The following PARPBP variants were observed in gnomAD, a reference collection of about 807,000 sequenced individuals.
PARPBP encodes PARP1 binding protein, also known as PCNA-interacting partner.
Under a neutral mutation model 50.0 loss-of-function variants are expected in PARPBP, and 52 were observed. That is an observed-to-expected ratio of 1.04 (90% confidence interval 0.83 to 1.31). The LOEUF (loss-of-function observed/expected upper bound fraction) is 1.31. Ranked by LOEUF, PARPBP falls within the 50% of genes most tolerant of loss-of-function variation. The pLI is 0.00. For missense variants in PARPBP, 697 were observed against 672.0 expected, an observed-to-expected ratio of 1.04 and a Z score of -0.41; for synonymous variants, 244 against 232.1, an observed-to-expected ratio of 1.05 and a Z score of -0.47.
chr12:102,150,312 A>G, intron 3 of PARPBP: 1 of 454,398 alleles, frequency 2.2e-6, no homozygotes, highest in Non-Finnish European at 4.4e-6. Context: ...ATATCCCTAG[A>G]TTGATTTCTC....
At chr12:102,188,250 A>G (rs1015532605) in intron 9 of PARPBP, among the ~76,000 whole-genome samples, 2 of 151,434 alleles carry the variant, frequency 1.3e-5, no homozygotes, top group African/African-American at 2.4e-5. Context: ...ACGTGCCTCA[A>G]ACACGTGGCT....
intron 9 of PARPBP, among the ~76,000 whole-genome samples, chr12:102,189,395 C>T (rs1337656498): frequency 6.6e-6 from 1 of 152,204 alleles, no homozygotes; most frequent in Non-Finnish European, 1.5e-5. Flanking sequence ...TGTGTTTGTA[C>T]TGTTCATTAC....
chr12:102,135,907 A>G (rs763814458), intron 2 of PARPBP, among the ~76,000 whole-genome samples: 42 of 152,132 alleles, frequency 2.8e-4, no homozygotes, highest in Non-Finnish European at 2.4e-4. Context: ...CATTTTACCT[A>G]CTTTCACTGG....
At chr12:102,143,679 T>C (rs1884972522) in intron 2 of PARPBP, among the ~76,000 whole-genome samples, 1 of 152,224 alleles carries the variant, frequency 6.6e-6, no homozygotes, top group African/African-American at 2.4e-5. Context: ...ATGGCGAATG[T>C]ATATGACTTC....
At chr12:102,181,239 G>T (rs1889799590) in intron 8 of PARPBP, among the ~76,000 whole-genome samples, 1 of 152,122 alleles carries the variant, frequency 6.6e-6, no homozygotes, top group African/African-American at 2.4e-5. Context: ...CTTACAAATA[G>T]TAGAAGCTCA....
chr12:102,120,829 A>G (rs61936655), intron 1 of PARPBP, among the ~76,000 whole-genome samples: 154 of 152,224 alleles, frequency 1.0e-3, no homozygotes, highest in African/African-American at 3.5e-3. Context: ...CTCATTAGAG[A>G]TTTTAAATAC....
At chr12:102,165,997 C>T (rs780278880) in intron 6 of PARPBP, 114 bp downstream of exon 6, 43 of 644,366 alleles carry the variant, frequency 6.7e-5, no homozygotes, top group Non-Finnish European at 1.1e-4. Context: ...AACGGTGAGG[C>T]GAAGAAACAA....
intron 2 of PARPBP, among the ~76,000 whole-genome samples, chr12:102,141,837 G>A (rs906491340): frequency 1.4e-4 from 22 of 152,180 alleles, no homozygotes; most frequent in Non-Finnish European, 2.5e-4. Context: ...GGCTTGTAGC[G>A]TTTCTGCCGA....
At chr12:102,141,079 G>A (rs1208905574) in intron 2 of PARPBP, among the ~76,000 whole-genome samples, 1 of 152,148 alleles carries the variant, frequency 6.6e-6, no homozygotes, top group Non-Finnish European at 1.5e-5. Flanking sequence ...TGTTGACAGT[G>A]GGGTGTTAAA....
rs1565910962 is a variant in PARPBP at position 102,196,386 on chromosome 12, T to C, written c.*95T>C. 1 of 884,480 alleles carries C rather than the reference T, an allele frequency of 1.1e-6. No homozygotes were observed. The highest frequency in any genetic ancestry group is 2.5e-5 in the East Asian group (1 of 39,404). The allele number at this position is 884,480 out of a possible 1,614,324, so 54.8% of individuals were successfully genotyped here. A position where few individuals can be genotyped will look rare whatever the true frequency, so the allele number is the denominator to read the frequency against. ...GAGATCAAGGTGTAAATTATGATGA[T>C]TTATTATTTTGGTCTACAGTGTATG... On this transcript the variant is annotated 3_prime_UTR_variant, in exon 11 of 11. Transcript: ENST00000327680.
Position 102,196,855 on chromosome 12 carries a change from T to A in PARPBP, c.*564T>A. 1 of 1,066,828 alleles carries A rather than the reference T, an allele frequency of 9.4e-7. No homozygotes were observed. Among genetic ancestry groups the A allele is most frequent in the East Asian group, 2.5e-5 (1 of 40,146 alleles). 66.1% of individuals were successfully genotyped at this position (1,066,828 alleles called of 1,614,324 possible). A position where few individuals can be genotyped will look rare whatever the true frequency, so the allele number is the denominator to read the frequency against. The stretch of plus-strand genomic sequence containing the variant: ...TATTTAATCCCACATTTTTGGCAGG[T>A]GTAATTGAGCCATGGTCTTATTTGA... On this transcript the variant is annotated 3_prime_UTR_variant, in exon 11 of 11. Coordinates refer to ENST00000327680, the MANE Select transcript of PARPBP (RefSeq NM_017915.5).
At position 102,196,301 on chromosome 12, in the gene PARPBP, T is replaced by C. The variant is rs2137670142; in HGVS notation, c.*10T>C. 5 of 1,513,996 alleles carry C rather than the reference T, an allele frequency of 3.3e-6. 1 individual carries two copies. The East Asian group carries it at 1.1e-4, about 34-fold the overall frequency. 93.8% of individuals were successfully genotyped at this position (1,513,996 alleles called of 1,614,324 possible). ...GTTTTTTAGACTATAAATTTGTGTC[T>C]TATATGCTTTAGGTTTATGTATCTA... On this transcript the variant is annotated 3_prime_UTR_variant, in exon 11 of 11. Coordinates refer to ENST00000327680, the MANE Select transcript of PARPBP (RefSeq NM_017915.5).
chr12:102,170,940 T>G (rs1053383016), intron 6 of PARPBP, among the ~76,000 whole-genome samples: 2 of 150,826 alleles, frequency 1.3e-5, no homozygotes, highest in African/African-American at 2.4e-5. Flanking sequence ...TAAACTTTTT[T>G]GTTTAAAATT....
At chr12:102,159,560 A>G (rs943874367) in intron 4 of PARPBP, among the ~76,000 whole-genome samples, 1 of 152,212 alleles carries the variant, frequency 6.6e-6, no homozygotes, top group African/African-American at 2.4e-5. Context: ...ATTGAATTTG[A>G]GAAACAATAT....
intron 6 of PARPBP, among the ~76,000 whole-genome samples, chr12:102,166,390 A>T (rs1481979506): frequency 6.6e-6 from 1 of 152,124 alleles, no homozygotes; most frequent in Non-Finnish European, 1.5e-5. Flanking sequence ...CATTTATAAT[A>T]TTGGTATATT....
intron 2 of PARPBP, among the ~76,000 whole-genome samples, chr12:102,141,662 C>T (rs1276684010): frequency 6.6e-6 from 1 of 152,096 alleles, no homozygotes; most frequent in Non-Finnish European, 1.5e-5. Flanking sequence ...CCTTCAGGAG[C>T]TCTTGTAAGG....
In PARPBP at chr12:102,164,777, G is replaced by A. The variant is rs184555441; in HGVS notation, c.666+169G>A. ...TTTTTTACCATATCGTTCAAGTTTG[G>A]TAAAGGAGAATTTCTCTAAAGCAGT... On this transcript the variant is annotated intron_variant, in intron 5 of 10. Coordinates refer to ENST00000327680, the MANE Select transcript of PARPBP (RefSeq NM_017915.5). The A allele has an allele frequency of 9.9e-4, 629 of 632,570 alleles. 5 individuals are homozygous for A. The highest frequency in any genetic ancestry group is 1.0e-4 in the Non-Finnish European group (36 of 358,512). The allele number at this position is 632,570 out of a possible 1,614,324, so 39.2% of individuals were successfully genotyped here. A position where few individuals can be genotyped will look rare whatever the true frequency, so the allele number is the denominator to read the frequency against.
chr12:102,195,270 A>G (rs570194623), intron 9 of PARPBP, 42 bp from the exon 10 acceptor site: 153 of 1,255,738 alleles, frequency 1.2e-4, no homozygotes, highest in Non-Finnish European at 1.6e-4. Context: ...AAATAAAATA[A>G]TGAATAAATT....
Position 102,196,571 on chromosome 12 carries a change from A to G in PARPBP, c.*280A>G. 1 of 964,162 alleles carries G rather than the reference A, an allele frequency of 1.0e-6. No homozygotes were observed. The highest frequency in any genetic ancestry group is 1.7e-6 in the Non-Finnish European group (1 of 590,122). The allele number at this position is 964,162 out of a possible 1,614,324, so 59.7% of individuals were successfully genotyped here. A position where few individuals can be genotyped will look rare whatever the true frequency, so the allele number is the denominator to read the frequency against. On this transcript the variant is annotated 3_prime_UTR_variant, in exon 11 of 11. Transcript: ENST00000327680. ...CAGACATTTAACATACACAAGTTAT[A>G]GTAGCAGTATGGGCTTCTCCTCCCA...
Sources: allele counts gnomAD v4.1 joint callset (sites outside exome capture counted in the v4.1 genomes callset), GRCh38; gene constraint gnomAD v4.1.1; transcripts MANE v1.5; gene names NCBI Gene and HGNC (gene_info 2026-07-23, HGNC 2026-07-21).